Variants in DLGAP2 observed in about 807,000 individuals in gnomAD.
The protein encoded by DLGAP2 is disks large-associated protein 2.
A neutral mutation model predicts 100.3 loss-of-function variants in DLGAP2; 26 were observed. The observed-to-expected ratio is 0.26, with a 90% CI of 0.19 to 0.36. The LOEUF (loss-of-function observed/expected upper bound fraction) is 0.36, where lower values mean the gene tolerates loss of function less well. DLGAP2 is among the 10% of genes least tolerant of loss of function. The pLI is 1.00. For synonymous variants in DLGAP2, 886 were observed against 630.1 expected, an observed-to-expected ratio of 1.41 and a Z score of -6.08; for missense variants, 1,858 against 1,453.2, an observed-to-expected ratio of 1.28 and a Z score of -4.53.
At chr8:1,522,537 G>A (rs936815321) in intron 4 of DLGAP2, among the ~76,000 whole-genome samples, 1 of 152,214 alleles carries the variant, frequency 6.6e-6, no homozygotes, top group East Asian at 1.9e-4. Flanking sequence ...CCGGCCATCA[G>A]CAGATCCTTT....
intron 3 of DLGAP2, among the ~76,000 whole-genome samples, chr8:1,497,969 C>T (rs575091755): frequency 1.3e-5 from 2 of 152,310 alleles, no homozygotes; most frequent in African/African-American, 4.8e-5. Context: ...CCAGTGTGGT[C>T]AAGATACAGC....
chr8:1,516,567 G>A (rs1800396538), intron 4 of DLGAP2, among the ~76,000 whole-genome samples: 1 of 151,492 alleles, frequency 6.6e-6, no homozygotes, highest in Admixed American at 6.6e-5. Context: ...GAATGAGGGA[G>A]GGAGGGCGTG....
At chr8:1,306,510 A>C (rs960442168) in intron 3 of DLGAP2, among the ~76,000 whole-genome samples, 1 of 152,196 alleles carries the variant, frequency 6.6e-6, no homozygotes, top group African/African-American at 2.4e-5. Flanking sequence ...CAGAACTACT[A>C]ATGGTGGGTT....
chr8:1,409,785 C>T (rs1469566360), intron 3 of DLGAP2, among the ~76,000 whole-genome samples: 1 of 152,150 alleles, frequency 6.6e-6, no homozygotes, highest in African/African-American at 2.4e-5. Context: ...TGAGCTGGGA[C>T]CTTCATCTTC....
chr8:821,370 G>C (rs1262710027), intron 1 of DLGAP2, among the ~76,000 whole-genome samples: 2 of 152,072 alleles, frequency 1.3e-5, no homozygotes, highest in Non-Finnish European at 2.9e-5. Context: ...GAAAAGACTG[G>C]CATATCTTTC....
At chr8:1,598,781 GTCTA>G (rs1274768668) in intron 6 of DLGAP2, among the ~76,000 whole-genome samples, 19 of 152,092 alleles carry the variant, frequency 1.2e-4, no homozygotes, top group South Asian at 1.2e-3. Flanking sequence ...CTGGGTAGTG[GTCTA>G]TCTATTTTGT....
chr8:766,217 G>A (rs1260850842), intron 1 of DLGAP2, among the ~76,000 whole-genome samples: 1 of 152,168 alleles, frequency 6.6e-6, no homozygotes, highest in African/African-American at 2.4e-5. Flanking sequence ...TCACATACAT[G>A]CAATCACACA....
chr8:1,092,984 G>T (rs555243049), intron 2 of DLGAP2, among the ~76,000 whole-genome samples: 6 of 152,322 alleles, frequency 3.9e-5, no homozygotes, highest in Admixed American at 2.6e-4. Context: ...TATGGGGGCT[G>T]CGGGTCCGAA....
chr8:1,506,629 C>T (rs1452860788), intron 4 of DLGAP2, among the ~76,000 whole-genome samples: 1 of 152,188 alleles, frequency 6.6e-6, no homozygotes, highest in Non-Finnish European at 1.5e-5. Context: ...CCGGCTCAGG[C>T]AGACTGCTTT....
At chr8:1,172,678 G>A (rs553168660) in intron 2 of DLGAP2, among the ~76,000 whole-genome samples, 4,279 of 152,062 alleles carry the variant, frequency 0.028, 95 homozygotes, top group Non-Finnish European at 0.043. Context: ...GATCACATCG[G>A]CTCCTGGGGC....
chr8:895,511 G>A (rs78609377), intron 1 of DLGAP2, among the ~76,000 whole-genome samples: 6,265 of 152,288 alleles, frequency 0.041, 266 homozygotes, highest in Admixed American at 0.13. Context: ...AGCAGGAAGG[G>A]TTTGTGTAAC....
intron 2 of DLGAP2, among the ~76,000 whole-genome samples, chr8:984,119 T>C (rs1800420331): frequency 2.6e-5 from 4 of 152,274 alleles, no homozygotes; most frequent in African/African-American, 9.6e-5. Context: ...AAACTGTTTA[T>C]TGGGATTCCC....
intron 3 of DLGAP2, among the ~76,000 whole-genome samples, chr8:1,413,602 C>T (rs761495038): frequency 3.6e-4 from 55 of 152,294 alleles, no homozygotes; most frequent in East Asian, 7.7e-4. Flanking sequence ...ATGAGATGTT[C>T]GAAGGCCCTT....
chr8:1,540,961 G>A (rs756049076), intron 4 of DLGAP2, among the ~76,000 whole-genome samples: 7 of 152,198 alleles, frequency 4.6e-5, no homozygotes, highest in East Asian at 1.9e-4. Context: ...CAGCAGAATC[G>A]TTTCCACAGA....
chr8:1,392,702 C>T (rs1460639322), intron 3 of DLGAP2, among the ~76,000 whole-genome samples: 1 of 152,216 alleles, frequency 6.6e-6, no homozygotes, highest in Non-Finnish European at 1.5e-5. Context: ...TGGGTCAGCA[C>T]ATCTGCGTTT....
At chr8:1,484,159 G>A (rs967510803) in intron 3 of DLGAP2, among the ~76,000 whole-genome samples, 8 of 152,208 alleles carry the variant, frequency 5.3e-5, no homozygotes, top group Non-Finnish European at 4.4e-5. Context: ...AGGCCCTCCA[G>A]GTGCCAAGGC....
chr8:1,204,767 G>A (rs7002858), intron 2 of DLGAP2, among the ~76,000 whole-genome samples: 11 of 151,754 alleles, frequency 7.2e-5, no homozygotes, highest in African/African-American at 2.4e-4. Context: ...GAAGAGGGAA[G>A]AAAAAATCTG....
At chr8:756,134 G>A (rs1282690234) in intron 1 of DLGAP2, among the ~76,000 whole-genome samples, 1 of 152,184 alleles carries the variant, frequency 6.6e-6, no homozygotes, top group Non-Finnish European at 1.5e-5. Context: ...GTTTGTGGCT[G>A]GAATACCTTG....
intron 2 of DLGAP2, among the ~76,000 whole-genome samples, chr8:1,080,693 C>T (rs1803778335): frequency 3.3e-5 from 5 of 152,326 alleles, no homozygotes; most frequent in African/African-American, 1.2e-4. Context: ...GGCTGTTGAA[C>T]AGGTGCTTGT....
Sources: allele counts gnomAD v4.1 joint callset (sites outside exome capture counted in the v4.1 genomes callset), GRCh38; gene constraint gnomAD v4.1.1; transcripts MANE v1.5; gene names NCBI Gene and HGNC (gene_info 2026-07-23, HGNC 2026-07-21).